Variants in DCT observed in about 807,000 individuals in gnomAD.
DCT encodes the protein dopachrome tautomerase.
Under a neutral mutation model 53.0 loss-of-function variants are expected in DCT, and 47 were observed. The ratio of observed to expected loss-of-function variants is 0.89; its 90% CI spans 0.70 to 1.13. The LOEUF is 1.13. Among genes scored for constraint, DCT ranks in the 50% most tolerant of loss-of-function variants. DCT has a pLI of 0.00. For missense variants in DCT, 669 were observed against 637.4 expected, an observed-to-expected ratio of 1.05 and a Z score of -0.53; for synonymous variants, 244 against 237.0, an observed-to-expected ratio of 1.03 and a Z score of -0.27.
chr13:94,530,214 G>A, the DCT span, among the ~76,000 whole-genome samples: 1 of 152,204 alleles, frequency 6.6e-6, no homozygotes, highest in Admixed American at 6.5e-5. Flanking sequence ...GAGGTACAAA[G>A]AGGAGCTGGG....
At chr13:94,490,495 A>T in the DCT span, among the ~76,000 whole-genome samples, 1 of 123,770 alleles carries the variant, frequency 8.1e-6, no homozygotes, top group Non-Finnish European at 1.6e-5. Context: ...ACAGAGCAAG[A>T]CTCGGTCTCA....
intron 6 of DCT, among the ~76,000 whole-genome samples, chr13:94,447,704 T>A (rs946485844): frequency 6.6e-6 from 1 of 152,186 alleles, no homozygotes; most frequent in Non-Finnish European, 1.5e-5. Flanking sequence ...TGAGTTCAAG[T>A]CAGGGTTCAA....
At chr13:94,488,935 C>T in the DCT span, among the ~76,000 whole-genome samples, 2 of 151,808 alleles carry the variant, frequency 1.3e-5, no homozygotes, top group Non-Finnish European at 2.9e-5. Context: ...TAGCTATGAA[C>T]TCACTATGTT....
chr13:94,466,815 G>A (rs1594309072), intron 2 of DCT, 157 bp from the exon 3 acceptor site: 2 of 414,240 alleles, frequency 4.8e-6, no homozygotes, highest in Non-Finnish European at 8.8e-6. Flanking sequence ...AAAAGCAATA[G>A]TAATGACATG....
chr13:94,538,836 A>G, the DCT span, among the ~76,000 whole-genome samples: 4 of 152,178 alleles, frequency 2.6e-5, no homozygotes, highest in Non-Finnish European at 2.9e-5. Context: ...TAAGCTACTC[A>G]GCTGCTTCTC....
chr13:94,514,672 G>C, the DCT span, among the ~76,000 whole-genome samples: 2 of 152,216 alleles, frequency 1.3e-5, no homozygotes, highest in African/African-American at 4.8e-5. Flanking sequence ...TGTGAGAAAG[G>C]CTGGGCCTTT....
the DCT span, among the ~76,000 whole-genome samples, chr13:94,493,109 A>G: frequency 6.6e-6 from 1 of 152,182 alleles, no homozygotes; most frequent in African/African-American, 2.4e-5. Context: ...CTTTTGCAAC[A>G]TGACCCCGAA....
chr13:94,453,430 A>G (rs1353882109), intron 6 of DCT, among the ~76,000 whole-genome samples: 2 of 152,358 alleles, frequency 1.3e-5, no homozygotes, highest in Non-Finnish European at 2.9e-5. Flanking sequence ...ATAAACCAAT[A>G]AAAATAAAAA....
chr13:94,526,777 T>G, the DCT span, among the ~76,000 whole-genome samples: 1 of 152,058 alleles, frequency 6.6e-6, no homozygotes, highest in Admixed American at 6.6e-5. Flanking sequence ...GGTTGGATAG[T>G]GGTTGCAGCC....
At chr13:94,510,366 G>C in the DCT span, among the ~76,000 whole-genome samples, 2 of 152,102 alleles carry the variant, frequency 1.3e-5, no homozygotes, top group Non-Finnish European at 2.9e-5. Context: ...CCCTGCACCT[G>C]AACTGTCCAC....
intron 5 of DCT, among the ~76,000 whole-genome samples, chr13:94,460,769 G>T (rs1883730873): frequency 1.3e-5 from 2 of 151,692 alleles, no homozygotes; most frequent in South Asian, 4.2e-4. Flanking sequence ...CTAAAAAAAA[G>T]AAAAAAGAAA....
At chr13:94,509,234 T>G in the DCT span, among the ~76,000 whole-genome samples, 3 of 152,146 alleles carry the variant, frequency 2.0e-5, no homozygotes, top group Non-Finnish European at 4.4e-5. Flanking sequence ...TTTGTGAACT[T>G]TTCTCCTTTT....
At chr13:94,493,257 G>T in the DCT span, among the ~76,000 whole-genome samples, 11 of 152,016 alleles carry the variant, frequency 7.2e-5, no homozygotes, top group East Asian at 2.1e-3. Context: ...ACTTCTACAG[G>T]ATCCAAGGGA....
At chr13:94,453,623 C>A (rs2139305079) in intron 6 of DCT, among the ~76,000 whole-genome samples, 1 of 152,240 alleles carries the variant, frequency 6.6e-6, no homozygotes, top group East Asian at 1.9e-4. Flanking sequence ...ATTGTAGCTC[C>A]CACAGTTCCC....
At chr13:94,510,831 T>C in the DCT span, among the ~76,000 whole-genome samples, 1 of 152,176 alleles carries the variant, frequency 6.6e-6, no homozygotes, top group African/African-American at 2.4e-5. Flanking sequence ...GCTCTTCCTC[T>C]CCTGGTGCTG....
the DCT span, among the ~76,000 whole-genome samples, chr13:94,538,147 C>T: frequency 6.6e-6 from 1 of 151,968 alleles, no homozygotes; most frequent in Non-Finnish European, 1.5e-5. Flanking sequence ...TCTCGGGCAG[C>T]CAAGATGAGA....
the DCT span, among the ~76,000 whole-genome samples, chr13:94,521,939 G>A: frequency 1.3e-5 from 2 of 152,116 alleles, no homozygotes; most frequent in African/African-American, 2.4e-5. Context: ...TAAACTTCCT[G>A]TGTCTATCGA....
At chr13:94,537,598 C>CT in the DCT span, among the ~76,000 whole-genome samples, 1 of 152,052 alleles carries the variant, frequency 6.6e-6, no homozygotes, top group Admixed American at 6.6e-5. Context: ...AGATGTAGAG[C>CT]CTTTTTTATT....
At chr13:94,474,127 T>C (rs960299015) in intron 1 of DCT, among the ~76,000 whole-genome samples, 1 of 152,208 alleles carries the variant, frequency 6.6e-6, no homozygotes, top group Non-Finnish European at 1.5e-5. Flanking sequence ...GTTATCTTAC[T>C]GGGAAATGGA....
Sources: allele counts gnomAD v4.1 joint callset (sites outside exome capture counted in the v4.1 genomes callset), GRCh38; gene constraint gnomAD v4.1.1; transcripts MANE v1.5; gene names NCBI Gene and HGNC (gene_info 2026-07-23, HGNC 2026-07-21).